PHTF2: variants seen among roughly 807,000 people sequenced by gnomAD.
The protein encoded by PHTF2 is putative homeodomain transcription factor 2, also known as protein PHTF2.
PHTF2 carries 60 observed loss-of-function variants against 101.2 expected under a neutral mutation model. That is an observed-to-expected ratio of 0.59 (90% CI 0.48 to 0.73). The LOEUF is 0.73. Ranked by LOEUF, PHTF2 falls within the 30% of genes least tolerant of loss-of-function variation. PHTF2 has a pLI of 0.00. For missense variants in PHTF2, 747 were observed against 908.7 expected (o/e 0.82, Z 2.29); for synonymous variants, 311 against 307.3 (o/e 1.01, Z -0.13).
At position 77,950,451 on chromosome 7, in the gene PHTF2, A is replaced by G. The variant is rs190712539; in HGVS notation, c.2115+618A>G. ...TAAGGCAGGTGGATTACTTGAGGTC[A>G]GGAGTTCAAGACCAGCCTGGCCAAC... On this transcript the variant is annotated intron_variant, in intron 17 of 19. Coordinates refer to ENST00000416283, the Ensembl canonical transcript of PHTF2. 4.3e-3 allele frequency among the ~76,000 whole-genome samples: 652 copies of G among 152,270 alleles called. 2 individuals are homozygous for G. The highest frequency in any genetic ancestry group is 6.0e-3 in the Non-Finnish European group (411 of 68,016).
chr7:77,801,675 G>T (rs1584329421), intron 1 of PHTF2, among the ~76,000 whole-genome samples: 1 of 152,146 alleles, frequency 6.6e-6, no homozygotes, highest in Non-Finnish European at 1.5e-5. Context: ...TTACCTTTGG[G>T]CTATTTGTAT....
chr7:77,834,750 T>A (rs772578706), intron 1 of PHTF2, among the ~76,000 whole-genome samples: 1 of 152,222 alleles, frequency 6.6e-6, no homozygotes, highest in Non-Finnish European at 1.5e-5. Flanking sequence ...CCCAATTATC[T>A]TGATGCTTAG....
chr7:77,866,398 GCAGA>G (rs1316131769), intron 3 of PHTF2, among the ~76,000 whole-genome samples: 1 of 152,044 alleles, frequency 6.6e-6, no homozygotes, highest in Non-Finnish European at 1.5e-5. Context: ...TGTCTAAGAG[GCAGA>G]CAGAGAAAAT....
At chr7:77,916,654 C>G (rs374469684) in intron 9 of PHTF2, among the ~76,000 whole-genome samples, 3 of 152,138 alleles carry the variant, frequency 2.0e-5, no homozygotes, top group African/African-American at 7.2e-5. Context: ...ACCACCCCCC[C>G]ACCCAGGATA....
intron 3 of PHTF2, among the ~76,000 whole-genome samples, chr7:77,867,682 A>G (rs1798178789): frequency 6.6e-6 from 1 of 152,232 alleles, no homozygotes; most frequent in Admixed American, 6.5e-5. Context: ...GGGCGCAGCT[A>G]AGGAGTTCTG....
At chr7:77,922,907 T>A (rs1803617208) in intron 11 of PHTF2, 129 bp downstream of exon 10, 1 of 1,297,828 alleles carries the variant, frequency 7.7e-7, no homozygotes, top group African/African-American at 1.5e-5. Flanking sequence ...ATTATTGTTG[T>A]ATGATCTGGA....
At chr7:77,840,259 G>C in exon 2 of PHTF2, 2 of 1,607,660 alleles carry the variant, frequency 1.2e-6, no homozygotes, top group Non-Finnish European at 1.7e-6. Context: ...GGAATAAATG[G>C]CGTCCAAAGT....
At chr7:77,912,710 C>CTTTTTTTTTTTTTTTTTT in intron 9 of PHTF2, among the ~76,000 whole-genome samples, 1 of 80,438 alleles carries the variant, frequency 1.2e-5, no homozygotes, top group Non-Finnish European at 2.4e-5. Context: ...AGAGAACCAC[C>CTTTTTTTTTTTTTTTTTT]TTTTTTTTTT....
chr7:77,814,401 A>G (rs115643961), intron 1 of PHTF2, among the ~76,000 whole-genome samples: 3,158 of 152,244 alleles, frequency 0.021, 91 homozygotes, highest in African/African-American at 0.071. Flanking sequence ...ACAGCACTAT[A>G]ATTCATGTCT....
intron 1 of PHTF2, among the ~76,000 whole-genome samples, chr7:77,808,290 A>T (rs961401902): frequency 1.1e-4 from 17 of 152,136 alleles, no homozygotes; most frequent in Non-Finnish European, 2.9e-5. Context: ...AATTTTAACA[A>T]TATTAAGTTT....
intron 3 of PHTF2, among the ~76,000 whole-genome samples, chr7:77,886,824 G>A (rs1799893413): frequency 1.3e-5 from 2 of 152,018 alleles, no homozygotes; most frequent in Admixed American, 1.3e-4. Flanking sequence ...TGGGTGGATT[G>A]CTTGAGCCCA....
chr7:77,939,394 C>G (rs1229409963), intron 13 of PHTF2, among the ~76,000 whole-genome samples: 1 of 151,644 alleles, frequency 6.6e-6, no homozygotes, highest in Non-Finnish European at 1.5e-5. Flanking sequence ...TCGCTTGAGC[C>G]CAGGAGTTAA....
At chr7:77,917,137 A>T (rs930396942) in intron 9 of PHTF2, among the ~76,000 whole-genome samples, 4 of 151,800 alleles carry the variant, frequency 2.6e-5, no homozygotes, top group Non-Finnish European at 5.9e-5. Flanking sequence ...ATTTTATTCA[A>T]TTTTTTATTG....
At chr7:77,940,438 C>T (rs1382191810) in intron 14 of PHTF2, 90 bp from the exon 14 acceptor site, 2 of 1,307,522 alleles carry the variant, frequency 1.5e-6, no homozygotes, top group Non-Finnish European at 2.1e-6. Flanking sequence ...AGTACCTAAC[C>T]AAATAAAATC....
At chr7:77,914,614 A>AT (rs1054533502) in intron 9 of PHTF2, among the ~76,000 whole-genome samples, 25 of 152,084 alleles carry the variant, frequency 1.6e-4, no homozygotes, top group African/African-American at 2.7e-4. Flanking sequence ...TAAATCTGAG[A>AT]TTTTTTTTCT....
chr7:77,820,274 A>G (rs1174092620), intron 1 of PHTF2, among the ~76,000 whole-genome samples: 2 of 152,142 alleles, frequency 1.3e-5, no homozygotes, highest in Non-Finnish European at 2.9e-5. Flanking sequence ...CAATCTTGGT[A>G]GGTGTTACGT....
chr7:77,928,842 C>G (rs1190707008), intron 11 of PHTF2, among the ~76,000 whole-genome samples: 1 of 152,164 alleles, frequency 6.6e-6, no homozygotes, highest in East Asian at 1.9e-4. Context: ...TTGTGAACTT[C>G]ATATAAAATT....
intron 7 of PHTF2, among the ~76,000 whole-genome samples, chr7:77,903,757 C>A (rs183827521): frequency 6.6e-6 from 1 of 152,196 alleles, no homozygotes; most frequent in East Asian, 1.9e-4. Flanking sequence ...TGATGACCCT[C>A]GGCAGGCTGC....
intron 9 of PHTF2, among the ~76,000 whole-genome samples, chr7:77,919,541 C>T (rs1803249312): frequency 6.6e-6 from 1 of 152,022 alleles, no homozygotes; most frequent in Admixed American, 6.5e-5. Flanking sequence ...CCACTGTAGT[C>T]TTTGAAGAGG....
Sources: allele counts gnomAD v4.1 joint callset (sites outside exome capture counted in the v4.1 genomes callset), GRCh38; gene constraint gnomAD v4.1.1; transcripts MANE v1.5; gene names NCBI Gene and HGNC (gene_info 2026-07-23, HGNC 2026-07-21).